NPAS3: variants seen among roughly 807,000 people sequenced by gnomAD.
NPAS3 encodes the protein neuronal PAS domain-containing protein 3.
A neutral mutation model predicts 73.1 loss-of-function variants in NPAS3; 14 were observed. That is an observed-to-expected ratio of 0.19 (90% confidence interval 0.13 to 0.30). The LOEUF (loss-of-function observed/expected upper bound fraction) is 0.30. NPAS3 is among the 10% of genes least tolerant of loss of function. NPAS3 has a pLI of 1.00. For synonymous variants in NPAS3, 620 were observed against 541.5 expected (o/e 1.14, Z -2.01); for missense variants, 1,096 against 1,250.0 (o/e 0.88, Z 1.86).
At chr14:33,328,925 T>C (rs75016111) in intron 3 of NPAS3, among the ~76,000 whole-genome samples, 6,151 of 152,280 alleles carry the variant, frequency 0.04, 152 homozygotes, top group Non-Finnish European at 0.061. Flanking sequence ...CTCAGAATTG[T>C]TTGAGATATC....
intron 3 of NPAS3, among the ~76,000 whole-genome samples, chr14:33,304,170 T>C (rs1176301960): frequency 6.6e-6 from 1 of 152,222 alleles, no homozygotes; most frequent in Non-Finnish European, 1.5e-5. Flanking sequence ...ACCTCCATAG[T>C]TGCTCTGTTA....
chr14:32,961,270 G>A (rs112173645), intron 1 of NPAS3, among the ~76,000 whole-genome samples: 33,535 of 151,786 alleles, frequency 0.22, 4,395 homozygotes, highest in Middle Eastern at 0.38. Flanking sequence ...AAATTAGCCG[G>A]GTGTGGTGGC....
At chr14:33,660,395 G>T (rs2059272706) in intron 5 of NPAS3, among the ~76,000 whole-genome samples, 1 of 152,150 alleles carries the variant, frequency 6.6e-6, no homozygotes, top group South Asian at 2.1e-4. Flanking sequence ...TATGGATAAA[G>T]AAAGAGCTGC....
At chr14:33,605,071 A>G (rs2057513919) in intron 5 of NPAS3, among the ~76,000 whole-genome samples, 1 of 152,048 alleles carries the variant, frequency 6.6e-6, no homozygotes, top group Non-Finnish European at 1.5e-5. Flanking sequence ...GAATAGAAAT[A>G]ATTAAGATTA....
chr14:33,436,320 A>T (rs190619499), intron 4 of NPAS3, among the ~76,000 whole-genome samples: 183 of 152,328 alleles, frequency 1.2e-3, no homozygotes, highest in African/African-American at 4.1e-3. Flanking sequence ...CAATAGATAC[A>T]TGGATTTTTA....
At chr14:33,293,352 CT>C (rs1034308166) in intron 3 of NPAS3, among the ~76,000 whole-genome samples, 1 of 152,168 alleles carries the variant, frequency 6.6e-6, no homozygotes, top group Non-Finnish European at 1.5e-5. Context: ...TCCATACCTT[CT>C]CTGCCCTGCC....
chr14:32,940,481 G>C (rs908284565), intron 1 of NPAS3, among the ~76,000 whole-genome samples: 2 of 152,198 alleles, frequency 1.3e-5, no homozygotes, highest in African/African-American at 4.8e-5. Flanking sequence ...ATATTGGTTT[G>C]AGCAAAGTGG....
At chr14:33,078,076 C>T (rs1469769553) in intron 2 of NPAS3, among the ~76,000 whole-genome samples, 1 of 151,550 alleles carries the variant, frequency 6.6e-6, no homozygotes, top group Non-Finnish European at 1.5e-5. Flanking sequence ...GAAGTGGAGG[C>T]TGCAGTAAGC....
At chr14:33,249,853 A>G (rs1016930797) in intron 3 of NPAS3, among the ~76,000 whole-genome samples, 1 of 151,976 alleles carries the variant, frequency 6.6e-6, no homozygotes. Context: ...TACACTGGGT[A>G]ACTGCATCAA....
chr14:33,802,245 G>C (rs2063730142), downstream of NPAS3: 2 of 151,654 alleles, frequency 1.3e-5, no homozygotes, highest in Admixed American at 6.6e-5. Context: ...TATTTGGGGG[G>C]ACTGGTTTGA....
At chr14:33,705,959 C>A (rs758598944) in intron 6 of NPAS3, among the ~76,000 whole-genome samples, 1 of 152,152 alleles carries the variant, frequency 6.6e-6, no homozygotes, top group African/African-American at 2.4e-5. Flanking sequence ...GAATGACCAA[C>A]GAAAAATGCA....
chr14:33,068,206 C>T (rs1348464406), intron 2 of NPAS3, among the ~76,000 whole-genome samples: 8 of 152,368 alleles, frequency 5.3e-5, no homozygotes, highest in Middle Eastern at 3.4e-3. Context: ...ACTGCTCCAT[C>T]TCACGTCAAG....
At chr14:33,729,565 G>C (rs551726554) in intron 6 of NPAS3, among the ~76,000 whole-genome samples, 1 of 152,268 alleles carries the variant, frequency 6.6e-6, no homozygotes, top group South Asian at 2.1e-4. Flanking sequence ...CTCACCTAAA[G>C]CTGGATGATC....
chr14:33,264,266 C>A (rs2049086553), intron 3 of NPAS3, among the ~76,000 whole-genome samples: 1 of 149,938 alleles, frequency 6.7e-6, no homozygotes, highest in East Asian at 2.0e-4. Context: ...ACACTGGGGC[C>A]TGTTGTGGGG....
intron 2 of NPAS3, among the ~76,000 whole-genome samples, chr14:33,116,207 C>A (rs1024950359): frequency 3.3e-5 from 5 of 152,070 alleles, no homozygotes; most frequent in African/African-American, 1.2e-4. Context: ...CCATATTTTA[C>A]TGAACTAGCT....
At chr14:33,242,048 T>G (rs1459538959) in intron 3 of NPAS3, among the ~76,000 whole-genome samples, 1 of 152,042 alleles carries the variant, frequency 6.6e-6, no homozygotes, top group East Asian at 1.9e-4. Context: ...GAAGTCTCCC[T>G]TATAAAAATT....
intron 5 of NPAS3, among the ~76,000 whole-genome samples, chr14:33,580,567 C>G (rs2056624189): frequency 6.6e-6 from 1 of 152,118 alleles, no homozygotes; most frequent in South Asian, 2.1e-4. Context: ...CACGGTAGTT[C>G]CCCTCCATCC....
intron 4 of NPAS3, among the ~76,000 whole-genome samples, chr14:33,548,631 G>A (rs886371210): frequency 5.9e-5 from 9 of 152,284 alleles, no homozygotes; most frequent in African/African-American, 1.7e-4. Context: ...TTTACCCAGC[G>A]ATTACTCAGG....
intron 1 of NPAS3, among the ~76,000 whole-genome samples, chr14:33,018,867 T>C (rs2039488437): frequency 6.6e-6 from 1 of 152,182 alleles, no homozygotes; most frequent in African/African-American, 2.4e-5. Context: ...AGGTGACATT[T>C]CTTTGACGTT....
Sources: gnomAD v4.1 joint callset for allele counts (sites outside exome capture counted in the v4.1 genomes callset) on GRCh38, gnomAD v4.1.1 for gene constraint, MANE v1.5 for transcripts, NCBI Gene and HGNC (gene_info 2026-07-23, HGNC 2026-07-21) for gene names.